Variants in NPSR1 observed in about 807,000 individuals in gnomAD.
NPSR1 encodes the protein neuropeptide S receptor 1.
A neutral mutation model predicts 46.9 loss-of-function variants in NPSR1; 48 were observed. The observed-to-expected ratio is 1.02, with a 90% confidence interval of 0.81 to 1.30. The LOEUF (loss-of-function observed/expected upper bound fraction) is 1.30. NPSR1 is among the 50% of genes most tolerant of loss of function. The probability of loss-of-function intolerance (pLI) is 0.00; values close to 1 mark genes in which losing one functional copy is unlikely to be tolerated. For missense variants in NPSR1, 450 were observed against 449.5 expected (o/e 1.00, Z -0.01); for synonymous variants, 176 against 168.1 (o/e 1.05, Z -0.36).
At chr7:34,751,727 C>G in intron 2 of NPSR1, 2 of 1,584,176 alleles carry the variant, frequency 1.3e-6, no homozygotes, top group Non-Finnish European at 1.7e-6. Flanking sequence ...TCCTTCGGGT[C>G]CCCCTGACTG....
At chr7:34,765,290 A>G (rs1583975166) in intron 2 of NPSR1, among the ~76,000 whole-genome samples, 1 of 152,252 alleles carries the variant, frequency 6.6e-6, no homozygotes, top group Admixed American at 6.5e-5. Flanking sequence ...CCCACTGTTA[A>G]CAGCCAAAGC....
chr7:34,815,432 A>C (rs1286032672), intron 4 of NPSR1, among the ~76,000 whole-genome samples: 1 of 152,234 alleles, frequency 6.6e-6, no homozygotes, highest in African/African-American at 2.4e-5. Flanking sequence ...TGAAAAGACC[A>C]AATCTACATT....
chr7:34,869,572 T>C (rs1008510088), intron 8 of NPSR1, among the ~76,000 whole-genome samples: 3 of 151,674 alleles, frequency 2.0e-5, no homozygotes, highest in African/African-American at 7.3e-5. Context: ...TCCTTACCTC[T>C]AGCAATGTTC....
intron 2 of NPSR1, among the ~76,000 whole-genome samples, chr7:34,696,010 C>T (rs1245093830): frequency 6.8e-6 from 1 of 146,316 alleles, no homozygotes; most frequent in Non-Finnish European, 1.5e-5. Flanking sequence ...CTCATATGTT[C>T]ATTGCAGCAC....
intron 4 of NPSR1, among the ~76,000 whole-genome samples, chr7:34,818,806 C>T (rs978079974): frequency 6.6e-6 from 1 of 152,262 alleles, no homozygotes; most frequent in African/African-American, 2.4e-5. Flanking sequence ...CTGACAAAAA[C>T]AAGAAATGGG....
At chr7:34,854,438 T>C (rs1439974299), downstream of NPSR1, among the ~76,000 whole-genome samples, 1 of 152,126 alleles carries the variant, frequency 6.6e-6, no homozygotes, top group Admixed American at 6.6e-5. Flanking sequence ...AACACAAGGA[T>C]ACAGAAAGTT....
At chr7:34,677,732 G>A (rs1214408199) in intron 1 of NPSR1, among the ~76,000 whole-genome samples, 3 of 152,218 alleles carry the variant, frequency 2.0e-5, no homozygotes, top group Non-Finnish European at 4.4e-5. Context: ...ACCAGCCCCA[G>A]GGGATTCCAC....
chr7:34,670,411 T>C (rs977026478), intron 1 of NPSR1, among the ~76,000 whole-genome samples: 3 of 152,042 alleles, frequency 2.0e-5, no homozygotes, highest in Non-Finnish European at 2.9e-5. Context: ...ATAATGGTTC[T>C]TATATAAAGT....
intron 2 of NPSR1, among the ~76,000 whole-genome samples, chr7:34,741,480 A>T (rs569491533): frequency 7.9e-4 from 121 of 152,248 alleles, no homozygotes; most frequent in African/African-American, 2.8e-3. Context: ...GTTTGTCCTG[A>T]CTGTTATCAC....
chr7:34,873,678 C>G (rs1337230742), intron 8 of NPSR1, among the ~76,000 whole-genome samples: 1 of 151,662 alleles, frequency 6.6e-6, no homozygotes, highest in Admixed American at 6.6e-5. Flanking sequence ...CTAAGCCATT[C>G]ATGAGGGAGC....
chr7:34,754,260 C>T (rs1337118222), intron 2 of NPSR1, among the ~76,000 whole-genome samples: 2 of 152,142 alleles, frequency 1.3e-5, no homozygotes, highest in Non-Finnish European at 2.9e-5. Context: ...CACAAGAACA[C>T]ATGTTCTTGT....
intron 2 of NPSR1, among the ~76,000 whole-genome samples, chr7:34,775,401 TTGAG>T (rs1220352186): frequency 6.6e-6 from 1 of 152,192 alleles, no homozygotes; most frequent in Non-Finnish European, 1.5e-5. Flanking sequence ...TCAGAATAGT[TTGAG>T]TAAGATGATA....
intron 5 of NPSR1, among the ~76,000 whole-genome samples, chr7:34,829,083 C>T (rs1165903645): frequency 6.6e-6 from 1 of 152,160 alleles, no homozygotes; most frequent in African/African-American, 2.4e-5. Context: ...CCTTTTCCTG[C>T]TCATTATTCA....
intron 3 of NPSR1, among the ~76,000 whole-genome samples, chr7:34,794,389 C>T (rs35184746): frequency 0.074 from 11,232 of 151,776 alleles, 503 homozygotes; most frequent in East Asian, 0.12. Context: ...ATTTTAGAAA[C>T]GTTAAGAAAG....
intron 2 of NPSR1, among the ~76,000 whole-genome samples, chr7:34,736,061 T>C (rs189135754): frequency 6.4e-4 from 97 of 152,294 alleles, no homozygotes; most frequent in African/African-American, 2.3e-3. Flanking sequence ...TGATAAAACA[T>C]ATAAGATTGT....
chr7:34,772,305 A>T (rs1028748183), intron 2 of NPSR1, among the ~76,000 whole-genome samples: 1 of 152,212 alleles, frequency 6.6e-6, no homozygotes, highest in African/African-American at 2.4e-5. Flanking sequence ...AAAATAAACT[A>T]TTGGAAATGA....
chr7:34,710,052 C>A (rs1449588904), intron 2 of NPSR1, among the ~76,000 whole-genome samples: 2 of 152,212 alleles, frequency 1.3e-5, no homozygotes, highest in African/African-American at 4.8e-5. Flanking sequence ...TATTTTGGTG[C>A]TGCAAGCACC....
At chr7:34,834,354 C>G in intron 5 of NPSR1, 30 bp from the exon 6 acceptor site, 1 of 1,582,534 alleles carries the variant, frequency 6.3e-7, no homozygotes, top group Non-Finnish European at 8.7e-7. Context: ...CCACCAGTCA[C>G]TTTAATACTA....
In NPSR1 at chr7:34,849,721, G is replaced by A; in HGVS notation, c.*66G>A. On this transcript the variant is annotated 3_prime_UTR_variant, in exon 9 of 9. Coordinates refer to ENST00000360581, the MANE Select transcript of NPSR1 (RefSeq NM_207172.2). ...TCTCCCAGGTCCTTGTCACCTGCTT[G>A]GGCACGTGCATGGAACCCGAGCCAA... 1 of 1,595,378 alleles carries A rather than the reference G, an allele frequency of 6.3e-7. No homozygotes were observed. The highest frequency in any genetic ancestry group is 8.5e-7 in the Non-Finnish European group (1 of 1,170,858).
Sources: allele counts gnomAD v4.1 joint callset (sites outside exome capture counted in the v4.1 genomes callset), GRCh38; gene constraint gnomAD v4.1.1; transcripts MANE v1.5; gene names NCBI Gene and HGNC (gene_info 2026-07-23, HGNC 2026-07-21).